Variants in NLRP2B observed in about 807,000 individuals in gnomAD.
The protein encoded by NLRP2B is NLR family pyrin domain containing 2B, also known as NLR family pyrin domain-containing protein 2B.
For missense variants in NLRP2B, 25 were observed against 6.8 expected (o/e 3.70, Z -3.00); for synonymous variants, 16 against 3.5 (o/e 4.63, Z -4.03).
chrX:57,678,011 GAGCT>G lies in NLRP2B; in HGVS notation c.*2108_*2111del. The G allele has an allele frequency of 6.4e-6, 3 of 471,409 alleles. No individual in the cohort carries two copies. In the South Asian group the frequency reaches 9.3e-5, roughly 15 times the overall value. The allele number at this position is 471,409 out of a possible 1,213,427, so 38.8% of individuals were successfully genotyped here. ...TATCTTACAGTCTTGTGACCTCAAA[GAGCT>G]AGGCAGAGGTTCCGATAAGCATCAG... is the stretch of plus-strand genomic sequence containing the variant. On this transcript the variant is annotated 3_prime_UTR_variant, in exon 1 of 1. Coordinates refer to ENST00000434992, the MANE Select transcript of NLRP2B (RefSeq NM_001319967.1).
At position 57,677,359 on chromosome X, in the gene NLRP2B, G is replaced by A. The variant is rs2011714079; in HGVS notation, c.*2764C>T. 1 of 365,275 alleles carries A rather than the reference G, an allele frequency of 2.7e-6. No individual in the cohort carries two copies. The allele number at this position is 365,275 out of a possible 1,213,427, so 30.1% of individuals were successfully genotyped here. A position where few individuals can be genotyped will look rare whatever the true frequency, so the allele number is the denominator to read the frequency against. On this transcript the variant is annotated 3_prime_UTR_variant, in exon 1 of 1. Coordinates refer to ENST00000434992, the MANE Select transcript of NLRP2B (RefSeq NM_001319967.1). ...GCAGAGGTCCTCACAACTGAACAGA[G>A]GGATGGAACACCCCCACAACCACAG...
In NLRP2B at chrX:57,678,806, G is replaced by A. The variant is rs1034289504; in HGVS notation, c.*1317C>T. 3.9e-5 allele frequency: 15 copies of A among 381,364 alleles called. No individual in the cohort carries two copies. Among genetic ancestry groups the A allele is most frequent in the South Asian group, 1.3e-4 (4 of 31,246 alleles). 31.4% of individuals were successfully genotyped at this position (381,364 alleles called of 1,213,427 possible). On this transcript the variant is annotated 3_prime_UTR_variant, in exon 1 of 1. Coordinates refer to ENST00000434992, the MANE Select transcript of NLRP2B (RefSeq NM_001319967.1). The stretch of plus-strand genomic sequence containing the variant: ...CAGCCTTTAGAGACTATGTCCTGGC[G>A]GAGGATGTCTCTGTCCAGGGACGGG...
In NLRP2B at chrX:57,679,360, T is replaced by C. The variant is rs771681247; in HGVS notation, c.*763A>G. ...CTTCTCCCAGTCCCCACAGATGTCC[T>C]AGATCAGTGCCCCAGGTGGGGCTCC... On this transcript the variant is annotated 3_prime_UTR_variant, in exon 1 of 1. Coordinates refer to ENST00000434992, the MANE Select transcript of NLRP2B (RefSeq NM_001319967.1). 1.2e-5 allele frequency: 8 copies of C among 657,285 alleles called. No homozygotes were observed. The African/African-American group carries it at 1.3e-4, about 11-fold the overall frequency. 54.2% of individuals were successfully genotyped at this position (657,285 alleles called of 1,213,427 possible). A position where few individuals can be genotyped will look rare whatever the true frequency, so the allele number is the denominator to read the frequency against.
chrX:57,678,972 G>A lies in NLRP2B; in HGVS notation c.*1151C>T, dbSNP rs28449766. 188 of 460,762 alleles carry A rather than the reference G, an allele frequency of 4.1e-4. No homozygotes were observed. In the African/African-American group the frequency reaches 4.3e-3, roughly 11 times the overall value. The allele number at this position is 460,762 out of a possible 1,213,427, so 38.0% of individuals were successfully genotyped here. A position where few individuals can be genotyped will look rare whatever the true frequency, so the allele number is the denominator to read the frequency against. On this transcript the variant is annotated 3_prime_UTR_variant, in exon 1 of 1. Transcript: ENST00000434992. Reference sequence around the variant, plus strand: ...GCTGTGCGCCCTGCGGGAACCGGCCGCAAAGGAAGCGCAGGAACAGCCCCG... The same window carrying A: ...GCTGTGCGCCCTGCGGGAACCGGCCACAAAGGAAGCGCAGGAACAGCCCCG...
rs2011736614 is a variant in NLRP2B, at chrX:57,678,744, G to A, written c.*1379C>T. ...TCTCCAGGGCGTGGAACAGCACAGT[G>A]AAAAACTGCTGGAAGCTGAGGTGGA... On this transcript the variant is annotated 3_prime_UTR_variant, in exon 1 of 1. Transcript: ENST00000434992. 2 of 402,350 alleles carry A rather than the reference G, an allele frequency of 5.0e-6. No individual in the cohort carries two copies. The highest frequency in any genetic ancestry group is 9.2e-6 in the Non-Finnish European group (2 of 216,337). The allele number at this position is 402,350 out of a possible 1,213,427, so 33.2% of individuals were successfully genotyped here.
chrX:57,677,553 C>A lies in NLRP2B; in HGVS notation c.*2570G>T. ...TAGTTATGTCGCAGTCCCACAGCAC[C>A]AGGGTCTGTAGTTTACAATGGGGGT... On this transcript the variant is annotated 3_prime_UTR_variant, in exon 1 of 1. Transcript: ENST00000434992. The A allele has an allele frequency of 3.2e-6, 1 of 314,525 alleles. No individual in the cohort carries two copies. 25.9% of individuals were successfully genotyped at this position (314,525 alleles called of 1,213,427 possible).
In NLRP2B at chrX:57,677,944, G is replaced by A. The variant is rs1206501661; in HGVS notation, c.*2179C>T. The A allele has an allele frequency of 8.5e-6, 4 of 469,175 alleles. No homozygotes were observed. The highest frequency in any genetic ancestry group is 1.6e-5 in the Non-Finnish European group (4 of 254,982). The allele number at this position is 469,175 out of a possible 1,213,427, so 38.7% of individuals were successfully genotyped here. A position where few individuals can be genotyped will look rare whatever the true frequency, so the allele number is the denominator to read the frequency against. On this transcript the variant is annotated 3_prime_UTR_variant, in exon 1 of 1. Transcript: ENST00000434992. ...TGAGTGTCTCAAGACCTTACACAAT[G>A]CAGGAAGCATATCATTCTGGTCATT...
chrX:57,678,504 T>A lies in NLRP2B; in HGVS notation c.*1619A>T. Reference sequence around the variant, plus strand: ...CAACCTTTTCACAATTTATCTCTCATCACAGTAATTCCTTTTTGATCTCCG... The same window carrying A: ...CAACCTTTTCACAATTTATCTCTCAACACAGTAATTCCTTTTTGATCTCCG... On this transcript the variant is annotated 3_prime_UTR_variant, in exon 1 of 1. Coordinates refer to ENST00000434992, the MANE Select transcript of NLRP2B (RefSeq NM_001319967.1). 4 of 507,360 alleles carry A rather than the reference T, an allele frequency of 7.9e-6. No homozygotes were observed. The South Asian group carries it at 1.0e-4, about 13-fold the overall frequency. 41.8% of individuals were successfully genotyped at this position (507,360 alleles called of 1,213,427 possible). A position where few individuals can be genotyped will look rare whatever the true frequency, so the allele number is the denominator to read the frequency against.
chrX:57,680,071 G>C lies in NLRP2B; in HGVS notation c.*52C>G. On this transcript the variant is annotated 3_prime_UTR_variant, in exon 1 of 1. Transcript: ENST00000434992. ...GTCTCTATCTTCATCCAGTAGCTGT[G>C]GCAATGGCTGGTGATGATTTCTGCC... 2.3e-6 allele frequency: 1 copy of C among 433,577 alleles called. No individual in the cohort carries two copies. Among genetic ancestry groups the C allele is most frequent in the Non-Finnish European group, 4.1e-6 (1 of 242,805 alleles). 35.7% of individuals were successfully genotyped at this position (433,577 alleles called of 1,213,427 possible). A position where few individuals can be genotyped will look rare whatever the true frequency, so the allele number is the denominator to read the frequency against.
At position 57,679,939 on chromosome X, in the gene NLRP2B, CCT is replaced by C. The variant is rs2011756701; in HGVS notation, c.*182_*183del. 1 of 291,032 alleles carries C rather than the reference CCT, an allele frequency of 3.4e-6. No individual in the cohort carries two copies. The highest frequency in any genetic ancestry group is 6.1e-5 in the Admixed American group (1 of 16,310). 24.0% of individuals were successfully genotyped at this position (291,032 alleles called of 1,213,427 possible). The stretch of plus-strand genomic sequence containing the variant: ...GTCTATAGGTTTTGGCTCTTCTTTC[CCT>C]GTTTTCCCTAATGATACAGGCTTGA... On this transcript the variant is annotated 3_prime_UTR_variant, in exon 1 of 1. Transcript: ENST00000434992.
Position 57,677,743 on chromosome X carries a change from C to A in NLRP2B, c.*2380G>T, listed in dbSNP as rs1401665501. On this transcript the variant is annotated 3_prime_UTR_variant, in exon 1 of 1. Coordinates refer to ENST00000434992, the MANE Select transcript of NLRP2B (RefSeq NM_001319967.1). Reference sequence around the variant, plus strand: ...TTCCAACAACAACCTCGGCAGGAAGCATTTTGGGTGTCTCAAAGTTGTGTA... The same window carrying A: ...TTCCAACAACAACCTCGGCAGGAAGAATTTTGGGTGTCTCAAAGTTGTGTA... 5 of 411,231 alleles carry A rather than the reference C, an allele frequency of 1.2e-5. No homozygotes were observed. The East Asian group carries it at 2.4e-4, about 20-fold the overall frequency. The allele number at this position is 411,231 out of a possible 1,213,427, so 33.9% of individuals were successfully genotyped here. A position where few individuals can be genotyped will look rare whatever the true frequency, so the allele number is the denominator to read the frequency against.
Position 57,677,224 on chromosome X carries a change from G to T in NLRP2B, c.*2899C>A, listed in dbSNP as rs977614359. On this transcript the variant is annotated 3_prime_UTR_variant, in exon 1 of 1. Coordinates refer to ENST00000434992, the MANE Select transcript of NLRP2B (RefSeq NM_001319967.1). ...TATTTTCAACCTGAGTGTCTGGAGGGTGCAATTTGGATGTGTCAAGGTTTC... is the reference window on the plus strand; with the variant it reads ...TATTTTCAACCTGAGTGTCTGGAGGTTGCAATTTGGATGTGTCAAGGTTTC... 2.9e-5 allele frequency: 11 copies of T among 382,633 alleles called. No homozygotes were observed. The highest frequency in any genetic ancestry group is 5.7e-5 in the Non-Finnish European group (11 of 193,578). The allele number at this position is 382,633 out of a possible 1,213,427, so 31.5% of individuals were successfully genotyped here.
chrX:57,679,189 A>T lies in NLRP2B; in HGVS notation c.*934T>A. On this transcript the variant is annotated 3_prime_UTR_variant, in exon 1 of 1. Coordinates refer to ENST00000434992, the MANE Select transcript of NLRP2B (RefSeq NM_001319967.1). ...TATGCCCTCCTGTCCTTCTCCAGGA[A>T]CTCCTCCACCCTTACATAGATCGGC... 1 of 462,841 alleles carries T rather than the reference A, an allele frequency of 2.2e-6. No individual in the cohort carries two copies. The highest frequency in any genetic ancestry group is 4.0e-6 in the Non-Finnish European group (1 of 249,758). 38.1% of individuals were successfully genotyped at this position (462,841 alleles called of 1,213,427 possible).
In NLRP2B at chrX:57,679,438, A is replaced by C. The variant is rs1413411800; in HGVS notation, c.*685T>G. ...CAGGATTTTCTGTGCTTGGGCTAGG[A>C]TGTTTGGAATGTCATCCTGCAATTC... On this transcript the variant is annotated 3_prime_UTR_variant, in exon 1 of 1. Transcript: ENST00000434992. 1 of 989,294 alleles carries C rather than the reference A, an allele frequency of 1.0e-6. No individual in the cohort carries two copies. Among genetic ancestry groups the C allele is most frequent in the African/African-American group, 1.9e-5 (1 of 52,874 alleles). The allele number at this position is 989,294 out of a possible 1,213,427, so 81.5% of individuals were successfully genotyped here.
At position 57,680,224 on chromosome X, in the gene NLRP2B, C is replaced by A; in HGVS notation, c.37G>T (p.Ala13Ser). 1 of 376,861 alleles carries A rather than the reference C, an allele frequency of 2.7e-6. No individual in the cohort carries two copies. Among genetic ancestry groups the A allele is most frequent in the Non-Finnish European group, 4.7e-6 (1 of 210,656 alleles). The allele number at this position is 376,861 out of a possible 1,213,427, so 31.1% of individuals were successfully genotyped here. ...SSAQLDFNLQ[A>S]LLGQLSQDDL... ...TCCTGGCTGAGCTGTCCCAGAAGAG[C>A]CTGCAGGTTGAAGTCCAGCTGTGCA... Residue 13 changes from alanine to serine, a missense_variant, in exon 1 of 1, where the codon GCT (alanine) becomes TCT (serine). Ala to Ser is a moderately conservative substitution (Grantham distance 99). Coordinates refer to ENST00000434992, the MANE Select transcript of NLRP2B (RefSeq NM_001319967.1).
At position 57,678,068 on chromosome X, in the gene NLRP2B, T is replaced by C. The variant is rs777919251; in HGVS notation, c.*2055A>G. 67 of 469,285 alleles carry C rather than the reference T, an allele frequency of 1.4e-4. No homozygotes were observed. Among genetic ancestry groups the C allele is most frequent in the Admixed American group, 2.7e-4 (9 of 33,131 alleles). The allele number at this position is 469,285 out of a possible 1,213,427, so 38.7% of individuals were successfully genotyped here. A position where few individuals can be genotyped will look rare whatever the true frequency, so the allele number is the denominator to read the frequency against. ...GGTGAAATGTTTTTGAACATCACTC[T>C]CTGGAGACGACAGGTGTCAGAAGCT... is the stretch of plus-strand genomic sequence containing the variant. On this transcript the variant is annotated 3_prime_UTR_variant, in exon 1 of 1. Transcript: ENST00000434992.
Position 57,677,779 on chromosome X carries a change from G to C in NLRP2B, c.*2344C>G. On this transcript the variant is annotated 3_prime_UTR_variant, in exon 1 of 1. Coordinates refer to ENST00000434992, the MANE Select transcript of NLRP2B (RefSeq NM_001319967.1). Reference sequence around the variant, plus strand: ...TCTCAAAGTTGTGTACAGCAACTTGGCACCCTCATCCAAGAGCTCATTGTG... The same window carrying C: ...TCTCAAAGTTGTGTACAGCAACTTGCCACCCTCATCCAAGAGCTCATTGTG... 2.3e-6 allele frequency: 1 copy of C among 435,091 alleles called. No individual in the cohort carries two copies. Among genetic ancestry groups the C allele is most frequent in the South Asian group, 2.5e-5 (1 of 40,105 alleles). The allele number at this position is 435,091 out of a possible 1,213,427, so 35.9% of individuals were successfully genotyped here. A position where few individuals can be genotyped will look rare whatever the true frequency, so the allele number is the denominator to read the frequency against.
chrX:57,679,659 G>A lies in NLRP2B; in HGVS notation c.*464C>T, dbSNP rs757754432. The A allele has an allele frequency of 6.7e-5, 31 of 461,518 alleles. No individual in the cohort carries two copies. The East Asian group carries it at 7.1e-4, about 11-fold the overall frequency. 38.0% of individuals were successfully genotyped at this position (461,518 alleles called of 1,213,427 possible). A position where few individuals can be genotyped will look rare whatever the true frequency, so the allele number is the denominator to read the frequency against. ...GCACCACCGTGTGTGGGCAGGGCCCGGGAAGCACCCTGGGGTTGCTGAACG... is the reference window on the plus strand; with the variant it reads ...GCACCACCGTGTGTGGGCAGGGCCCAGGAAGCACCCTGGGGTTGCTGAACG... On this transcript the variant is annotated 3_prime_UTR_variant, in exon 1 of 1. Transcript: ENST00000434992.
rs935945859 is a variant in NLRP2B, at chrX:57,678,912, C to T, written c.*1211G>A. Reference sequence around the variant, plus strand: ...ACATCTGCGCCCACAGGCCCTGTGCCGCCAGGAGGCTCAGCGCCCGCAGCA... The same window carrying T: ...ACATCTGCGCCCACAGGCCCTGTGCTGCCAGGAGGCTCAGCGCCCGCAGCA... On this transcript the variant is annotated 3_prime_UTR_variant, in exon 1 of 1. Coordinates refer to ENST00000434992, the MANE Select transcript of NLRP2B (RefSeq NM_001319967.1). 7.5e-5 allele frequency: 31 copies of T among 410,677 alleles called. No individual in the cohort carries two copies. The highest frequency in any genetic ancestry group is 1.1e-4 in the Non-Finnish European group (26 of 240,720). 33.8% of individuals were successfully genotyped at this position (410,677 alleles called of 1,213,427 possible). A position where few individuals can be genotyped will look rare whatever the true frequency, so the allele number is the denominator to read the frequency against.
Sources: gnomAD v4.1 joint callset for allele counts on GRCh38, gnomAD v4.1.1 for gene constraint, MANE v1.5 for transcripts, NCBI Gene and HGNC (gene_info 2026-07-23, HGNC 2026-07-21) for gene names.